Variants in DLGAP1 observed in about 807,000 individuals in gnomAD.
The protein encoded by DLGAP1 is disks large-associated protein 1.
Under a neutral mutation model 90.8 loss-of-function variants are expected in DLGAP1, and 11 were observed. That is an observed-to-expected ratio of 0.12 (90% confidence interval 0.08 to 0.20). DLGAP1 has a LOEUF of 0.20. Among genes scored for constraint, DLGAP1 ranks in the 10% least tolerant of loss-of-function variants. DLGAP1 has a pLI of 1.00. For missense variants in DLGAP1, 1,050 were observed against 1,333.8 expected (o/e 0.79, Z 3.31); for synonymous variants, 558 against 540.7 (o/e 1.03, Z -0.44).
At chr18:3,878,603 C>A (rs571416929) in intron 4 of DLGAP1, among the ~76,000 whole-genome samples, 5 of 152,166 alleles carry the variant, frequency 3.3e-5, no homozygotes, top group Non-Finnish European at 5.9e-5. Context: ...AAGCTCAGGT[C>A]GGGGTGTAGT....
chr18:3,977,992 G>T, intron 3 of DLGAP1: 1 of 369,422 alleles, frequency 2.7e-6, no homozygotes, highest in South Asian at 2.2e-5. Context: ...CTACAGCCTT[G>T]GTAGCACCAG....
intron 1 of DLGAP1, among the ~76,000 whole-genome samples, chr18:4,234,452 T>C (rs1473633): frequency 0.43 from 64,839 of 152,030 alleles, 16,243 homozygotes; most frequent in East Asian, 0.82. Context: ...ACATTTTCAA[T>C]ATGTTCTTAG....
intron 9 of DLGAP1, among the ~76,000 whole-genome samples, chr18:3,552,164 T>C (rs775771021): frequency 1.3e-5 from 2 of 152,062 alleles, no homozygotes; most frequent in South Asian, 2.1e-4. Flanking sequence ...AGAAGATTCT[T>C]TGAGGAAGAC....
intron 3 of DLGAP1, among the ~76,000 whole-genome samples, chr18:3,970,375 T>C (rs887789971): frequency 2.0e-5 from 3 of 152,198 alleles, no homozygotes; most frequent in African/African-American, 7.2e-5. Flanking sequence ...AGTATTCTTA[T>C]TGAAGCCATT....
intron 2 of DLGAP1, among the ~76,000 whole-genome samples, chr18:4,092,940 T>A (rs1255022452): frequency 2.0e-5 from 3 of 152,118 alleles, no homozygotes; most frequent in Admixed American, 2.0e-4. Context: ...TTCTTTTAAC[T>A]GTATGGAGCC....
chr18:4,332,402 G>T (rs776029980), intron 1 of DLGAP1, among the ~76,000 whole-genome samples: 1 of 151,784 alleles, frequency 6.6e-6, no homozygotes, highest in East Asian at 1.9e-4. Context: ...AGGTAGAAAA[G>T]ATTTTTTTAA....
intron 3 of DLGAP1, among the ~76,000 whole-genome samples, chr18:3,880,669 G>A (rs907728080): frequency 6.6e-6 from 1 of 152,010 alleles, no homozygotes; most frequent in Admixed American, 6.5e-5. Context: ...GAGGCCGGGC[G>A]CGGTGGCTCA....
At chr18:3,808,024 G>A (rs1046987025) in intron 5 of DLGAP1, among the ~76,000 whole-genome samples, 2 of 152,192 alleles carry the variant, frequency 1.3e-5, no homozygotes, top group Non-Finnish European at 2.9e-5. Flanking sequence ...ATTTGGAGGA[G>A]GGCATTCATA....
chr18:3,790,485 T>A (rs181264603), intron 5 of DLGAP1, among the ~76,000 whole-genome samples: 14 of 152,192 alleles, frequency 9.2e-5, no homozygotes, highest in African/African-American at 3.1e-4. Flanking sequence ...CCCAGGCTTG[T>A]CTCAAAATCC....
intron 1 of DLGAP1, among the ~76,000 whole-genome samples, chr18:4,172,390 CAT>C (rs772876255): frequency 1.0e-3 from 152 of 152,318 alleles, no homozygotes; most frequent in Admixed American, 3.4e-3. Context: ...TTAAGAGTCA[CAT>C]GTCTTGTACA....
At chr18:3,570,946 T>C (rs1164189802) in intron 8 of DLGAP1, among the ~76,000 whole-genome samples, 1 of 139,184 alleles carries the variant, frequency 7.2e-6, no homozygotes, top group South Asian at 2.4e-4. Context: ...AAAAAAAAGG[T>C]AATTTAAAAA....
chr18:3,844,043 A>G (rs1344650054), intron 4 of DLGAP1, among the ~76,000 whole-genome samples: 1 of 152,212 alleles, frequency 6.6e-6, no homozygotes, highest in African/African-American at 2.4e-5. Flanking sequence ...TTTATCTATA[A>G]AAGTCTGATT....
chr18:3,741,088 T>C (rs868358286), intron 6 of DLGAP1, among the ~76,000 whole-genome samples: 281 of 45,668 alleles, frequency 6.2e-3, no homozygotes, highest in African/African-American at 0.021. Flanking sequence ...ACCATCACCA[T>C]CACCACCACC....
At chr18:4,400,259 G>C (rs1241863928) in intron 1 of DLGAP1, among the ~76,000 whole-genome samples, 2 of 152,236 alleles carry the variant, frequency 1.3e-5, no homozygotes. Flanking sequence ...CTGACAAGAT[G>C]TTAACAGGTG....
At chr18:4,085,287 TTTGA>T (rs1469131812) in intron 2 of DLGAP1, among the ~76,000 whole-genome samples, 1 of 152,138 alleles carries the variant, frequency 6.6e-6, no homozygotes, top group Non-Finnish European at 1.5e-5. Flanking sequence ...GGTCTTGGGG[TTTGA>T]TTATTTCTAC....
At chr18:4,293,634 T>C (rs2079902804) in intron 1 of DLGAP1, 1 of 152,232 alleles carries the variant, frequency 6.6e-6, no homozygotes, top group South Asian at 2.1e-4. Context: ...AGAGGTTATG[T>C]TTATCTGTGT....
At chr18:4,012,484 A>T (rs1299435351) in intron 2 of DLGAP1, among the ~76,000 whole-genome samples, 1 of 152,140 alleles carries the variant, frequency 6.6e-6, no homozygotes, top group Admixed American at 6.5e-5. Flanking sequence ...TTCAGCAGCC[A>T]GGCCTGGGCA....
chr18:4,334,404 G>A (rs753925427), intron 1 of DLGAP1, among the ~76,000 whole-genome samples: 2 of 151,644 alleles, frequency 1.3e-5, no homozygotes, highest in African/African-American at 4.9e-5. Flanking sequence ...TTCTTGATTG[G>A]GCAACATGAA....
chr18:3,967,217 T>C (rs1398010735), intron 3 of DLGAP1, among the ~76,000 whole-genome samples: 1 of 152,232 alleles, frequency 6.6e-6, no homozygotes, highest in African/African-American at 2.4e-5. Context: ...TACTAACTTA[T>C]CTTTCTTCCT....
Sources: gnomAD v4.1 joint callset for allele counts (sites outside exome capture counted in the v4.1 genomes callset) on GRCh38, gnomAD v4.1.1 for gene constraint, MANE v1.5 for transcripts, NCBI Gene and HGNC (gene_info 2026-07-23, HGNC 2026-07-21) for gene names.